ZNF710: variants seen among roughly 807,000 people sequenced by gnomAD.
ZNF710 encodes the protein zinc finger protein 710.
A neutral mutation model predicts 50.6 loss-of-function variants in ZNF710; 13 were observed. That is an observed-to-expected ratio of 0.26 (90% CI 0.17 to 0.41). ZNF710 has a LOEUF of 0.41. Among genes scored for constraint, ZNF710 ranks in the 10% least tolerant of loss-of-function variants. The pLI is 1.00. For missense variants in ZNF710, 721 were observed against 936.6 expected, an observed-to-expected ratio of 0.77 and a Z score of 3.01; for synonymous variants, 383 against 397.0, an observed-to-expected ratio of 0.96 and a Z score of 0.42.
intron 1 of ZNF710, among the ~76,000 whole-genome samples, chr15:90,049,463 A>G (rs1387294226): frequency 6.6e-6 from 1 of 152,084 alleles, no homozygotes; most frequent in African/African-American, 2.4e-5. Context: ...TTTTATAATC[A>G]TCCCCTCTAC....
chr15:90,036,871 C>T (rs914629262), intron 1 of ZNF710, among the ~76,000 whole-genome samples: 1 of 152,230 alleles, frequency 6.6e-6, no homozygotes, highest in African/African-American at 2.4e-5. Flanking sequence ...TCTCCAGCCA[C>T]TGTTCCCAGT....
chr15:90,074,052 T>C, intron 3 of ZNF710, 64 bp from the exon 4 acceptor site: 1 of 1,451,914 alleles, frequency 6.9e-7, no homozygotes, highest in South Asian at 1.5e-5. Context: ...GAGGTGGGAG[T>C]GGGCTGGGGT....
intron 2 of ZNF710, among the ~76,000 whole-genome samples, chr15:90,072,541 A>G (rs375802250): frequency 6.9e-4 from 105 of 152,236 alleles, no homozygotes; most frequent in African/African-American, 2.3e-3. Context: ...CTTCAATCAT[A>G]TTATCAAAAG....
At chr15:90,049,553 C>A (rs1406554851) in intron 1 of ZNF710, among the ~76,000 whole-genome samples, 1 of 152,244 alleles carries the variant, frequency 6.6e-6, no homozygotes, top group African/African-American at 2.4e-5. Flanking sequence ...GCCTACCACC[C>A]TGCAGACAGG....
At chr15:90,069,228 CAAAAAA>C (rs1231164801) in intron 2 of ZNF710, among the ~76,000 whole-genome samples, 1 of 69,628 alleles carries the variant, frequency 1.4e-5, no homozygotes, top group Admixed American at 1.6e-4. Context: ...AACTCCATCT[CAAAAAA>C]AAAAAAAAAA....
At chr15:90,012,316 G>A (rs1019151813) in intron 1 of ZNF710, among the ~76,000 whole-genome samples, 6 of 34,042 alleles carry the variant, frequency 1.8e-4, no homozygotes, top group Non-Finnish European at 3.3e-4. Context: ...TTTTTTTTTT[G>A]TAGTCTTGCT....
intron 1 of ZNF710, among the ~76,000 whole-genome samples, chr15:90,048,280 G>A (rs1358988307): frequency 1.3e-5 from 2 of 152,212 alleles, no homozygotes; most frequent in East Asian, 3.8e-4. Flanking sequence ...TCATTCTCTT[G>A]CCCAGCCTGT....
intron 1 of ZNF710, among the ~76,000 whole-genome samples, chr15:90,063,880 G>A (rs1211506086): frequency 6.6e-6 from 1 of 152,146 alleles, no homozygotes; most frequent in Non-Finnish European, 1.5e-5. Context: ...AGAGGGAAGG[G>A]AACTAACGAC....
At chr15:90,018,312 G>A (rs949146045) in intron 1 of ZNF710, among the ~76,000 whole-genome samples, 1 of 151,982 alleles carries the variant, frequency 6.6e-6, no homozygotes, top group Admixed American at 6.6e-5. Flanking sequence ...GGGATCACAG[G>A]CGTGTGCCAC....
intron 1 of ZNF710, among the ~76,000 whole-genome samples, chr15:90,022,931 C>T (rs936651275): frequency 2.0e-5 from 3 of 152,088 alleles, no homozygotes; most frequent in East Asian, 1.9e-4. Flanking sequence ...TGAAATGTTG[C>T]GGGAGTACAT....
chr15:90,075,684 C>G (rs1434917519), intron 4 of ZNF710: 1 of 152,226 alleles, frequency 6.6e-6, no homozygotes, highest in Admixed American at 6.5e-5. Flanking sequence ...TTTGGAACAG[C>G]TGACCAGTGA....
chr15:90,045,978 A>T (rs551341539), intron 1 of ZNF710, among the ~76,000 whole-genome samples: 4 of 152,086 alleles, frequency 2.6e-5, no homozygotes, highest in Admixed American at 2.6e-4. Context: ...GCACAGAAAA[A>T]GGGACCTGGT....
At chr15:90,066,313 A>G (rs1372453534) in intron 1 of ZNF710, among the ~76,000 whole-genome samples, 6 of 152,242 alleles carry the variant, frequency 3.9e-5, no homozygotes, top group African/African-American at 1.4e-4. Flanking sequence ...CACAGTCCCA[A>G]GGTCTGTGCA....
chr15:90,008,454 G>GTATATATATATACACATA (rs1898209821), intron 1 of ZNF710, among the ~76,000 whole-genome samples: 1 of 124,972 alleles, frequency 8.0e-6, no homozygotes, highest in African/African-American at 3.7e-5. Context: ...ATATATATAT[G>GTATATATATATACACATA]TATATATATA....
intron 2 of ZNF710, among the ~76,000 whole-genome samples, chr15:90,072,323 A>G (rs1366064004): frequency 6.6e-6 from 1 of 152,156 alleles, no homozygotes; most frequent in East Asian, 1.9e-4. Flanking sequence ...TGAGAATAAA[A>G]ATTCCTGGGC....
rs1900191791 is a variant in ZNF710 at position 90,067,109 on chromosome 15, G to C, written c.-28-1G>C. The C allele has an allele frequency of 6.4e-7, 1 of 1,561,598 alleles. No homozygotes were observed. The highest frequency in any genetic ancestry group is 8.7e-7 in the Non-Finnish European group (1 of 1,152,242). On this transcript the variant is annotated splice_acceptor_variant, in intron 1 of 4. Transcript: ENST00000268154. LOFTEE classifies it low-confidence loss of function (5UTR_SPLICE). This position sits in a 1 kb window ranked among gnomAD's most constrained non-coding sequence, Gnocchi z 8.1. ...ATTAACCTTCCCTTCTCCACCCACAGCGATGCCCTCCTAGCTAGCCGTCAC... is the reference window on the plus strand; with the variant it reads ...ATTAACCTTCCCTTCTCCACCCACACCGATGCCCTCCTAGCTAGCCGTCAC...
rs551677716 is a variant in ZNF710 at position 90,059,761 on chromosome 15, G to A, written c.-28-7349G>A. Among the ~76,000 whole-genome samples, 94 of 152,326 alleles carry A rather than the reference G, an allele frequency of 6.2e-4. No homozygotes were observed. Among genetic ancestry groups the A allele is most frequent in the South Asian group, 1.9e-3 (9 of 4,830 alleles). On this transcript the variant is annotated intron_variant, in intron 1 of 4. Coordinates refer to ENST00000268154, the MANE Select transcript of ZNF710 (RefSeq NM_198526.4). The surrounding 1 kb of genome is among the most constrained non-coding windows in gnomAD (Gnocchi z 4.1). Reference sequence around the variant, plus strand: ...GCTCTCGCTTCCTCTTCCCTTCTGCGCATGTGAGTAGAGTTTCCCTTGAAG... The same window carrying A: ...GCTCTCGCTTCCTCTTCCCTTCTGCACATGTGAGTAGAGTTTCCCTTGAAG...
chr15:90,045,297 G>A (rs1028161954), intron 1 of ZNF710: 6 of 983,792 alleles, frequency 6.1e-6, no homozygotes, highest in Admixed American at 6.2e-5. Flanking sequence ...CAGAGCTTGA[G>A]CCTGGTCAAC....
intron 1 of ZNF710, among the ~76,000 whole-genome samples, chr15:90,064,490 CT>C (rs1423424516): frequency 6.6e-6 from 1 of 152,118 alleles, no homozygotes; most frequent in African/African-American, 2.4e-5. Context: ...AATAATGGTT[CT>C]TTTTTTCTTC....
Sources: gnomAD v4.1 joint callset for allele counts (sites outside exome capture counted in the v4.1 genomes callset) on GRCh38, gnomAD v4.1.1 for gene constraint, Gnocchi (gnomAD v3.1) non-coding constraint, MANE v1.5 for transcripts, NCBI Gene and HGNC (gene_info 2026-07-23, HGNC 2026-07-21) for gene names.